The following LHX9 variants were observed in gnomAD, a reference collection of about 807,000 sequenced individuals.
LHX9 encodes the protein LIM/homeobox protein Lhx9.
In LHX9, 9 loss-of-function variants were observed where a neutral mutation model predicts 36.5. That is an observed-to-expected ratio of 0.25 (90% CI 0.15 to 0.43). LHX9 has a LOEUF of 0.43. LHX9 is among the 20% of genes least tolerant of loss of function. The probability of loss-of-function intolerance (pLI) is 1.00; values close to 1 mark genes in which losing one functional copy is unlikely to be tolerated. For synonymous variants in LHX9, 211 were observed against 212.1 expected (o/e 0.99, Z 0.04); for missense variants, 464 against 526.4 (o/e 0.88, Z 1.16).
At position 197,932,081 on chromosome 1, in the gene LHX9, AAAAAG is replaced by A; in HGVS notation, c.*2824_*2828del. 1.3e-6 allele frequency: 1 copy of A among 742,992 alleles called. No homozygotes were observed. The highest frequency in any genetic ancestry group is 2.9e-4 in the Middle Eastern group (1 of 3,500). The allele number at this position is 742,992 out of a possible 1,614,324, so 46.0% of individuals were successfully genotyped here. ...CATTAAAAAATTTATTAAGCCAAAA[AAAAAG>A]AGAGAGAGAGAGACTTAAATGTCAT... On this transcript the variant is annotated 3_prime_UTR_variant, in exon 5 of 5. Transcript: ENST00000367387.
chr1:197,915,892 C>T (rs1659734034), upstream of LHX9: 1 of 152,146 alleles, frequency 6.6e-6, no homozygotes, highest in Non-Finnish European at 1.5e-5. Context: ...CTCTCCCTGG[C>T]TTTTCTCCCG....
chr1:197,931,967 A>G lies in LHX9; in HGVS notation c.*2708A>G, dbSNP rs770009048. 6.5e-7 allele frequency: 1 copy of G among 1,547,210 alleles called. No homozygotes were observed. Among genetic ancestry groups the G allele is most frequent in the African/African-American group, 1.4e-5 (1 of 73,076 alleles). ...CAGCCAAACATCCCGACGTTTGAAA[A>G]TTCCCTAAAGTATTAAAAGAAGGGG... On this transcript the variant is annotated 3_prime_UTR_variant, in exon 5 of 5. Coordinates refer to ENST00000367387, the MANE Select transcript of LHX9 (RefSeq NM_020204.3).
At chr1:197,913,773 C>G (rs1659678338), upstream of LHX9, among the ~76,000 whole-genome samples, 1 of 152,186 alleles carries the variant, frequency 6.6e-6, no homozygotes, top group South Asian at 2.1e-4. Flanking sequence ...TTAACAGGGT[C>G]TGGAGGAAAG....
upstream of LHX9, among the ~76,000 whole-genome samples, chr1:197,915,412 C>T (rs1320315086): frequency 6.6e-6 from 1 of 152,166 alleles, no homozygotes; most frequent in Non-Finnish European, 1.5e-5. Context: ...GACTGCTGCC[C>T]CCAGCCCCTC....
In LHX9 at chr1:197,929,343, A is replaced by C; in HGVS notation, c.*84A>C. ...TTATTATTATTTTATTATTTACAAGACTTTTTTTTTCTTCTAACCCACAAG... is the reference window on the plus strand; with the variant it reads ...TTATTATTATTTTATTATTTACAAGCCTTTTTTTTTCTTCTAACCCACAAG... On this transcript the variant is annotated 3_prime_UTR_variant, in exon 5 of 5. Transcript: ENST00000367387. The C allele has an allele frequency of 3.4e-6, 4 of 1,188,040 alleles. No homozygotes were observed. Among genetic ancestry groups the C allele is most frequent in the African/African-American group, 3.2e-5 (2 of 63,372 alleles). 73.6% of individuals were successfully genotyped at this position (1,188,040 alleles called of 1,614,324 possible). A position where few individuals can be genotyped will look rare whatever the true frequency, so the allele number is the denominator to read the frequency against.
intron 4 of LHX9, 80 bp from the exon 5 acceptor site, chr1:197,928,920 GAA>G (rs1320366898): frequency 7.7e-7 from 1 of 1,304,416 alleles, no homozygotes. Flanking sequence ...GAAAGAAAAA[GAA>G]AAAAAGAAAA....
In LHX9 at chr1:197,917,726, C is replaced by T; in HGVS notation, c.-98C>T. ...CTTCTCCTCCTTTCTCTCCCTCTTT[C>T]CCTCCATCCTCGAGCGTCTCTGCGC... On this transcript the variant is annotated 5_prime_UTR_variant, in exon 1 of 5. Coordinates refer to ENST00000367387, the MANE Select transcript of LHX9 (RefSeq NM_020204.3). The T allele has an allele frequency of 6.3e-7, 1 of 1,594,702 alleles. No individual in the cohort carries two copies. Among genetic ancestry groups the T allele is most frequent in the Non-Finnish European group, 8.5e-7 (1 of 1,173,660 alleles).
At position 197,934,976 on chromosome 1, in the gene LHX9, G is replaced by C. The variant is rs181717763; in HGVS notation, c.*5717G>C. 11 of 152,148 alleles carry C rather than the reference G, an allele frequency of 7.2e-5. No individual in the cohort carries two copies. The highest frequency in any genetic ancestry group is 2.1e-4 in the South Asian group (1 of 4,814). The allele number at this position is 152,148 out of a possible 1,614,324, so 9.4% of individuals were successfully genotyped here. A position where few individuals can be genotyped will look rare whatever the true frequency, so the allele number is the denominator to read the frequency against. On this transcript the variant is annotated 3_prime_UTR_variant, in exon 5 of 5. Transcript: ENST00000367387. ...TTTTATGAGGTTCCCTGGCAGTTGG[G>C]GGGGTGGTGAGGTTGGGAGAGGGAA... is the stretch of plus-strand genomic sequence containing the variant.
At chr1:197,923,307 G>A (rs1200011746) in intron 3 of LHX9, among the ~76,000 whole-genome samples, 2 of 152,226 alleles carry the variant, frequency 1.3e-5, no homozygotes, top group African/African-American at 2.4e-5. Flanking sequence ...CTCAGTAGTG[G>A]CCATGCCCTC....
In LHX9 at chr1:197,935,199, T is replaced by C. The variant is rs753587748; in HGVS notation, c.*5940T>C. ...CCTTATTATGTATCATATCAATAAG[T>C]TTCTCTTCCCTTGGATTAATTTTTG... On this transcript the variant is annotated 3_prime_UTR_variant, in exon 5 of 5. Transcript: ENST00000367387. 2.0e-5 allele frequency: 3 copies of C among 152,190 alleles called. No individual in the cohort carries two copies. The highest frequency in any genetic ancestry group is 4.8e-5 in the African/African-American group (2 of 41,452). The allele number at this position is 152,190 out of a possible 1,614,324, so 9.4% of individuals were successfully genotyped here.
chr1:197,928,262 C>T (rs1660207051), intron 4 of LHX9, among the ~76,000 whole-genome samples: 1 of 152,168 alleles, frequency 6.6e-6, no homozygotes, highest in Non-Finnish European at 1.5e-5. Flanking sequence ...GTTAGTGTTT[C>T]AGCAACCAAT....
intron 3 of LHX9, among the ~76,000 whole-genome samples, chr1:197,926,051 T>G (rs1386501196): frequency 1.3e-5 from 2 of 152,258 alleles, no homozygotes; most frequent in Non-Finnish European, 2.9e-5. Flanking sequence ...TTTGTTTGTG[T>G]CTAGTCTTTT....
intron 1 of LHX9, chr1:197,918,687 A>G (rs1196246882): frequency 6.0e-6 from 2 of 334,800 alleles, no homozygotes; most frequent in Non-Finnish European, 1.1e-5. Flanking sequence ...CAACCCTTAA[A>G]CAAGCTAATC....
intron 3 of LHX9, among the ~76,000 whole-genome samples, chr1:197,923,321 C>G (rs966258590): frequency 1.5e-4 from 23 of 152,344 alleles, no homozygotes; most frequent in African/African-American, 5.5e-4. Flanking sequence ...TGCCCTCACA[C>G]TGGCCCCTGC....
intron 3 of LHX9, among the ~76,000 whole-genome samples, chr1:197,923,741 T>G (rs1270974154): frequency 6.6e-6 from 1 of 152,180 alleles, no homozygotes. Context: ...ATTCTTTTAC[T>G]TCTCTGAAAA....
At chr1:197,912,666 G>A, upstream of LHX9, 1 of 1,141,218 alleles carries the variant, frequency 8.8e-7, no homozygotes, top group Non-Finnish European at 1.3e-6. Context: ...GTGGAACGAA[G>A]AGGAGTGTGT....
Position 197,921,627 on chromosome 1 carries a change from C to T in LHX9, c.701C>T (p.Ala234Val), listed in dbSNP as rs778060357. 1 of 1,597,534 alleles carries T rather than the reference C, an allele frequency of 6.3e-7. No individual in the cohort carries two copies. Among genetic ancestry groups the T allele is most frequent in the Non-Finnish European group, 8.5e-7 (1 of 1,174,702 alleles). The change falls in exon 3 of 5, where the codon GCG (alanine) becomes GTG (valine). Residue 234 changes from alanine (A) to valine (V), a missense_variant. Coordinates refer to ENST00000367387, the MANE Select transcript of LHX9 (RefSeq NM_020204.3). This position sits in a 1 kb window ranked among gnomAD's most constrained non-coding sequence, Gnocchi z 4.6. ...KGRPRKRKSPALGVDIVNYNS... is the reference protein window; with the variant it reads ...KGRPRKRKSPVLGVDIVNYNS... ...CGGCCCCGGAAGCGGAAGAGCCCAG[C>T]GCTGGGAGTGGACATCGTCAATTAC...
upstream of LHX9, chr1:197,912,683 C>A: frequency 9.5e-7 from 1 of 1,048,098 alleles, no homozygotes; most frequent in Non-Finnish European, 1.5e-6. Flanking sequence ...GTGTGTTTGT[C>A]TTAAAAATTA....
chr1:197,934,829 C>T lies in LHX9; in HGVS notation c.*5570C>T, dbSNP rs913106505. 1.3e-5 allele frequency: 2 copies of T among 151,668 alleles called. No individual in the cohort carries two copies. The highest frequency in any genetic ancestry group is 2.4e-5 in the African/African-American group (1 of 41,252). The allele number at this position is 151,668 out of a possible 1,614,324, so 9.4% of individuals were successfully genotyped here. A position where few individuals can be genotyped will look rare whatever the true frequency, so the allele number is the denominator to read the frequency against. On this transcript the variant is annotated 3_prime_UTR_variant, in exon 5 of 5. Transcript: ENST00000367387. ...GATTTTAAACATTTTAATAATAGTG[C>T]TCTGCCCTCACAACAGTTTTTTTTT...
Sources: allele counts gnomAD v4.1 joint callset (sites outside exome capture counted in the v4.1 genomes callset), GRCh38; gene constraint gnomAD v4.1.1; non-coding constraint Gnocchi (gnomAD v3.1); transcripts MANE v1.5; gene names NCBI Gene and HGNC (gene_info 2026-07-23, HGNC 2026-07-21).